The following SPTBN4 variants were observed in gnomAD, a reference collection of about 807,000 sequenced individuals.
The protein encoded by SPTBN4 is spectrin beta, non-erythrocytic 4.
A neutral mutation model predicts 277.8 loss-of-function variants in SPTBN4; 96 were observed. The observed-to-expected ratio is 0.35, with a 90% CI of 0.29 to 0.41. The LOEUF (loss-of-function observed/expected upper bound fraction) is 0.41, where lower values mean the gene tolerates loss of function less well. Ranked by LOEUF, SPTBN4 falls within the 10% of genes least tolerant of loss-of-function variation. The pLI, the probability that SPTBN4 is intolerant of heterozygous loss-of-function variation, is 1.00. For missense variants in SPTBN4, 3,006 were observed against 3,595.7 expected (o/e 0.84, Z 4.19); for synonymous variants, 1,481 against 1,580.3 (o/e 0.94, Z 1.49).
chr19:40,476,345 CAAAAA>C (rs60942038), intron 2 of SPTBN4, among the ~76,000 whole-genome samples: 2 of 115,566 alleles, frequency 1.7e-5, no homozygotes, highest in Non-Finnish European at 1.8e-5. Flanking sequence ...AACTCTGTCT[CAAAAA>C]AAAAAAAAAA....
At chr19:40,524,345 T>TAA (rs879363418) in intron 17 of SPTBN4, among the ~76,000 whole-genome samples, 5 of 132,194 alleles carry the variant, frequency 3.8e-5, no homozygotes, top group Admixed American at 7.7e-5. Flanking sequence ...TCTCTAAAAT[T>TAA]AAAAAAAAAA....
At chr19:40,567,615 CG>C in intron 30 of SPTBN4, 47 bp from the exon 31 acceptor site, 26 of 1,408,458 alleles carry the variant, frequency 1.8e-5, no homozygotes, top group Non-Finnish European at 2.3e-5. Context: ...CCCCTTACCC[CG>C]CCCCGGCCCC....
intron 29 of SPTBN4, 142 bp from the exon 30 acceptor site, chr19:40,566,021 C>A: frequency 1.1e-6 from 1 of 882,590 alleles, no homozygotes; most frequent in Non-Finnish European, 1.7e-6. Context: ...TAGCCCCAGC[C>A]TCTGCCATTC....
intron 13 of SPTBN4, among the ~76,000 whole-genome samples, chr19:40,510,791 G>A (rs1375830904): frequency 1.3e-5 from 2 of 152,064 alleles, no homozygotes; most frequent in Non-Finnish European, 2.9e-5. Context: ...GGAGGCCAAG[G>A]TGGGTGAATT....
chr19:40,561,759 T>A (rs1389368448), intron 27 of SPTBN4, among the ~76,000 whole-genome samples: 1 of 142,216 alleles, frequency 7.0e-6, no homozygotes, highest in African/African-American at 2.7e-5. Context: ...GAGGTGGAGG[T>A]CACAGTGAGC....
intron 20 of SPTBN4, among the ~76,000 whole-genome samples, chr19:40,541,013 G>C (rs1278257470): frequency 6.6e-6 from 1 of 152,012 alleles, no homozygotes; most frequent in African/African-American, 2.4e-5. Context: ...CCAACACTTG[G>C]TTTTGTCAGA....
In SPTBN4 at chr19:40,546,670, A is replaced by G. The variant is rs539446545; in HGVS notation, c.4360-2519A>G. Among the ~76,000 whole-genome samples, 5 of 152,200 alleles carry G rather than the reference A, an allele frequency of 3.3e-5. No homozygotes were observed. The East Asian group carries it at 9.7e-4, about 29-fold the overall frequency. On this transcript the variant is annotated intron_variant, in intron 20 of 35. Transcript: ENST00000598249. ...AGCCTGGGCAACATAGCAAGACCCC[A>G]TCTTTATGACAAATTTCAAAAATGA...
intron 20 of SPTBN4, among the ~76,000 whole-genome samples, chr19:40,538,169 A>T (rs192796679): frequency 6.8e-6 from 1 of 147,702 alleles, no homozygotes; most frequent in Non-Finnish European, 1.5e-5. Flanking sequence ...CGGGTGGTTC[A>T]CTTGAGATCA....
At position 40,532,274 on chromosome 19, in the gene SPTBN4, T is replaced by G. The variant is rs192201275; in HGVS notation, c.3949-351T>G. Among the ~76,000 whole-genome samples, 541 of 88,284 alleles carry G rather than the reference T, an allele frequency of 6.1e-3. 1 individual carries two copies. Among genetic ancestry groups the G allele is most frequent in the Middle Eastern group, 9.7e-3 (2 of 206 alleles). The allele number at this position is 88,284 out of a possible 152,430, so 57.9% of individuals were successfully genotyped here. ...GAATTGGGAGTTAGCTAAATTGGGT[T>G]GGAGAGCTTGTTTTGGGGGGGGTGA... is the stretch of plus-strand genomic sequence containing the variant. On this transcript the variant is annotated intron_variant, in intron 18 of 35. Coordinates refer to ENST00000598249, the MANE Select transcript of SPTBN4 (RefSeq NM_020971.3).
Position 40,519,570 on chromosome 19 carries a change from A to C in SPTBN4, c.3073A>C (p.Ser1025Arg), listed in dbSNP as rs761392380. 6.5e-7 allele frequency: 1 copy of C among 1,538,850 alleles called. No individual in the cohort carries two copies. The highest frequency in any genetic ancestry group is 8.7e-7 in the Non-Finnish European group (1 of 1,148,756). ...RAGGALQWRL[S>R]GLEAALQALE... is the part of the protein sequence containing the mutation. ...CGGCGGCGCCCTGCAGTGGCGTCTTAGCGGCCTAGAGGCCGCTCTGCAGGC... is the reference window on the plus strand; with the variant it reads ...CGGCGGCGCCCTGCAGTGGCGTCTTCGCGGCCTAGAGGCCGCTCTGCAGGC... Residue 1025 changes from serine to arginine, a missense_variant, in exon 16 of 36, where the codon AGC becomes CGC. Transcript: ENST00000598249. This position sits in a 1 kb window ranked among gnomAD's most constrained non-coding sequence, Gnocchi z 5.7.
rs183141779 is a variant in SPTBN4 at position 40,565,419 on chromosome 19, G to A, written c.5916-4G>A. 4 of 1,611,744 alleles carry A rather than the reference G, an allele frequency of 2.5e-6. No individual in the cohort carries two copies. Among genetic ancestry groups the A allele is most frequent in the African/African-American group, 2.7e-5 (2 of 75,050 alleles). On this transcript the variant is annotated splice_region_variant and splice_polypyrimidine_tract_variant and intron_variant, in intron 27 of 35. Transcript: ENST00000598249. The stretch of plus-strand genomic sequence containing the variant: ...CTCAGATCCCTGCCTGCCACCCACT[G>A]CAGGGACGTGTCATCAGTGGAGGTG...
intron 17 of SPTBN4, 89 bp from the exon 18 acceptor site, chr19:40,528,952 T>C (rs904549762): frequency 1.1e-5 from 11 of 960,454 alleles, no homozygotes; most frequent in Non-Finnish European, 1.7e-5. Context: ...CTTCTTCCCC[T>C]ACCCAGCCCA....
In SPTBN4 at chr19:40,502,870, G is replaced by A. The variant is rs767926330; in HGVS notation, c.1299G>A (p.Arg433=). ...RQEKLELLAQ[R]FDHKVAMRES... ...AGAAGCTGGAACTACTGGCACAGAG[G>A]TTTGACCACAAGGTGGCTATGAGGG... is the stretch of plus-strand genomic sequence containing the variant. The change falls in exon 11 of 36, where the codon AGG becomes AGA. Residue 433 remains arginine, a synonymous_variant. Coordinates refer to ENST00000598249, the MANE Select transcript of SPTBN4 (RefSeq NM_020971.3). The surrounding 1 kb of genome is among the most constrained non-coding windows in gnomAD (Gnocchi z 4.9). 17 of 1,613,826 alleles carry A rather than the reference G, an allele frequency of 1.1e-5. No homozygotes were observed. Among genetic ancestry groups the A allele is most frequent in the African/African-American group, 1.3e-5 (1 of 74,938 alleles).
chr19:40,537,313 A>C (rs894439966), intron 20 of SPTBN4, among the ~76,000 whole-genome samples: 3 of 152,188 alleles, frequency 2.0e-5, no homozygotes, highest in Admixed American at 6.5e-5. Context: ...TCCAGACTGT[A>C]GTTCTCTTTC....
At chr19:40,470,550 G>C (rs900941121) in intron 1 of SPTBN4, among the ~76,000 whole-genome samples, 2 of 150,548 alleles carry the variant, frequency 1.3e-5, no homozygotes, top group Non-Finnish European at 3.0e-5. Context: ...CAAGCGATCT[G>C]CCTGCCTTGG....
chr19:40,523,649 C>G lies in SPTBN4; in HGVS notation c.3857+10C>G, dbSNP rs2080555603. ...CCCGGCTGCTGGAGAAGTAGGTCCCCTAGACCCATCCACCCCAGGGAGGGG... is the reference window on the plus strand; with the variant it reads ...CCCGGCTGCTGGAGAAGTAGGTCCCGTAGACCCATCCACCCCAGGGAGGGG... On this transcript the variant is annotated intron_variant, in intron 17 of 35. Coordinates refer to ENST00000598249, the MANE Select transcript of SPTBN4 (RefSeq NM_020971.3). 6.3e-7 allele frequency: 1 copy of G among 1,598,594 alleles called. No individual in the cohort carries two copies. Among genetic ancestry groups the G allele is most frequent in the East Asian group, 2.2e-5 (1 of 44,628 alleles).
chr19:40,533,998 C>T, intron 19 of SPTBN4, 82 bp from the exon 20 acceptor site: 1 of 1,467,876 alleles, frequency 6.8e-7, no homozygotes, highest in South Asian at 1.4e-5. Flanking sequence ...TCCCTGTGTC[C>T]TGTCACTCTC....
In SPTBN4 at chr19:40,512,902, C is replaced by A; in HGVS notation, c.2113C>A (p.Gln705Lys). The A allele has an allele frequency of 7.0e-7, 1 of 1,433,118 alleles. No homozygotes were observed. The highest frequency in any genetic ancestry group is 9.1e-7 in the Non-Finnish European group (1 of 1,104,244). The allele number at this position is 1,433,118 out of a possible 1,614,324, so 88.8% of individuals were successfully genotyped here. A position where few individuals can be genotyped will look rare whatever the true frequency, so the allele number is the denominator to read the frequency against. ...ARLLAQHKIL[Q>K]GELGGRRALL... ...CCTCCTGGCCCAGCACAAGATCCTG[C>A]AGGGCGAGCTGGGCGGGCGGCGAGC... is the stretch of plus-strand genomic sequence containing the variant. Residue 705 changes from glutamine to lysine, a missense_variant, in exon 14 of 36, where the codon CAG (glutamine) becomes AAG (lysine). Around this residue, in one of 5 missense-constraint regions of SPTBN4, gnomAD observed 1,759 missense variants for 2,061.5 expected, o/e 0.85. Transcript: ENST00000598249.
At position 40,550,289 on chromosome 19, in the gene SPTBN4, G is replaced by C; in HGVS notation, c.4636G>C (p.Gly1546Arg). ...GGCCATGCAGACAGAGCGAGGCAAC[G>C]GTTTGCAGGCGGTCCAGCAGCACAT... The part of the protein sequence containing the change: ...PLAMQTERGN[G>R]LQAVQQHIKK... Residue 1546 changes from glycine to arginine, a missense_variant, in exon 22 of 36, where the codon GGT (glycine) becomes CGT (arginine). Transcript: ENST00000598249. 6.2e-7 allele frequency: 1 copy of C among 1,612,410 alleles called. No individual in the cohort carries two copies. Among genetic ancestry groups the C allele is most frequent in the Admixed American group, 1.7e-5 (1 of 59,988 alleles).
Sources: gnomAD v4.1 joint callset for allele counts (sites outside exome capture counted in the v4.1 genomes callset) on GRCh38, gnomAD v4.1.1 for gene constraint, gnomAD v4.1.1 regional missense constraint, Gnocchi (gnomAD v3.1) non-coding constraint, MANE v1.5 for transcripts, NCBI Gene and HGNC (gene_info 2026-07-23, HGNC 2026-07-21) for gene names.